The following NFATC3 variants were observed in gnomAD, a reference collection of about 807,000 sequenced individuals.
The protein encoded by NFATC3 is nuclear factor of activated T cells 3, also known as nuclear factor of activated T-cells, cytoplasmic 3.
In NFATC3, 46 loss-of-function variants were observed where a neutral mutation model predicts 98.6. The ratio of observed to expected loss-of-function variants is 0.47; its 90% CI spans 0.37 to 0.60. The LOEUF is 0.60. NFATC3 is among the 20% of genes least tolerant of loss of function. The pLI, the probability that NFATC3 is intolerant of heterozygous loss-of-function variation, is 0.00. For missense variants in NFATC3, 1,256 were observed against 1,295.5 expected (o/e 0.97, Z 0.47); for synonymous variants, 512 against 472.2 (o/e 1.08, Z -1.09).
chr16:68,146,218 TAG>T (rs990710734), intron 3 of NFATC3, among the ~76,000 whole-genome samples: 1 of 152,160 alleles, frequency 6.6e-6, no homozygotes, highest in Admixed American at 6.5e-5. Flanking sequence ...ATTCAACCTG[TAG>T]TACATATACA....
At chr16:68,124,841 G>A (rs1258711968) in intron 2 of NFATC3, among the ~76,000 whole-genome samples, 1 of 152,034 alleles carries the variant, frequency 6.6e-6, no homozygotes, top group Non-Finnish European at 1.5e-5. Context: ...CAATTCTCCT[G>A]CCTCAGCCTC....
chr16:68,185,298 C>T (rs1176350931), intron 8 of NFATC3, among the ~76,000 whole-genome samples: 4 of 151,966 alleles, frequency 2.6e-5, no homozygotes, highest in African/African-American at 9.7e-5. Context: ...TTTTCTTTTT[C>T]CTCCCTTTTT....
intron 9 of NFATC3, among the ~76,000 whole-genome samples, chr16:68,208,136 AGCG>A (rs1358475193): frequency 6.6e-6 from 1 of 151,790 alleles, no homozygotes; most frequent in African/African-American, 2.4e-5. Flanking sequence ...CCCAAGTTCA[AGCG>A]ATTCTCCTGC....
intron 9 of NFATC3, among the ~76,000 whole-genome samples, chr16:68,208,634 G>C (rs898881499): frequency 1.3e-5 from 2 of 152,028 alleles, no homozygotes; most frequent in African/African-American, 4.8e-5. Context: ...TGGGACTGAG[G>C]CAGGAGAATC....
chr16:68,217,302 C>T (rs1382198342), intron 9 of NFATC3, among the ~76,000 whole-genome samples: 1 of 151,580 alleles, frequency 6.6e-6, no homozygotes, highest in African/African-American at 2.4e-5. Flanking sequence ...CATGGTGGCT[C>T]ATGCCTATAG....
intron 9 of NFATC3, among the ~76,000 whole-genome samples, chr16:68,218,673 C>T (rs929658474): frequency 2.7e-5 from 4 of 150,606 alleles, no homozygotes; most frequent in Admixed American, 2.6e-4. Context: ...CATGGGTTCA[C>T]TCCATTCTCC....
chr16:68,160,638 G>C (rs1478709943), intron 4 of NFATC3, among the ~76,000 whole-genome samples: 3 of 152,026 alleles, frequency 2.0e-5, no homozygotes, highest in African/African-American at 7.2e-5. Context: ...TAGGGGCTAT[G>C]ACAGAGTTTT....
intron 1 of NFATC3, among the ~76,000 whole-genome samples, chr16:68,102,478 T>A (rs1341749461): frequency 6.6e-6 from 1 of 152,102 alleles, no homozygotes; most frequent in African/African-American, 2.4e-5. Context: ...CTCATAAATT[T>A]GAAGGCATTG....
At chr16:68,182,477 G>A (rs1440602830) in intron 7 of NFATC3, among the ~76,000 whole-genome samples, 1 of 152,002 alleles carries the variant, frequency 6.6e-6, no homozygotes, top group Admixed American at 6.6e-5. Flanking sequence ...AACACATTTT[G>A]TTTAATGCCA....
At position 68,191,082 on chromosome 16, in the gene NFATC3, A is replaced by T; in HGVS notation, c.2413A>T (p.Met805Leu). The change falls in exon 9 of 10, where the codon ATG becomes TTG. Residue 805 changes from methionine (M) to leucine (L), a missense_variant. Coordinates refer to ENST00000346183, the MANE Select transcript of NFATC3 (RefSeq NM_173165.3). ...TPPVGSSYQP[M>L]QTNVVYNGPT... is the part of the protein sequence containing the mutation. ...TCCTGTGGGGTCTTCCTATCAGCCTATGCAAACTAATGTTGTGTACAATGG... is the reference window on the plus strand; with the variant it reads ...TCCTGTGGGGTCTTCCTATCAGCCTTTGCAAACTAATGTTGTGTACAATGG... 1 of 1,614,198 alleles carries T rather than the reference A, an allele frequency of 6.2e-7. No individual in the cohort carries two copies.
chr16:68,087,073 T>C (rs2034420310), intron 1 of NFATC3, among the ~76,000 whole-genome samples: 2 of 152,190 alleles, frequency 1.3e-5, no homozygotes, highest in African/African-American at 4.8e-5. Flanking sequence ...TGATGCATTT[T>C]ATAGTAGAGG....
chr16:68,151,665 T>G (rs2038326330), intron 3 of NFATC3, among the ~76,000 whole-genome samples: 1 of 152,176 alleles, frequency 6.6e-6, no homozygotes, highest in African/African-American at 2.4e-5. Flanking sequence ...GTATCTGTAG[T>G]GCACCCCACT....
chr16:68,221,489 C>G (rs1335361935), intron 9 of NFATC3: 1 of 1,278,624 alleles, frequency 7.8e-7, no homozygotes, highest in African/African-American at 1.5e-5. Context: ...TGTCATTGTT[C>G]CAAGTCCCCA....
chr16:68,217,736 T>TA, intron 9 of NFATC3: 1 of 1,231,614 alleles, frequency 8.1e-7, no homozygotes, highest in Non-Finnish European at 1.0e-6. Flanking sequence ...AGAAACCACT[T>TA]AGTCATGACT....
At chr16:68,121,888 G>C in intron 1 of NFATC3, 99 bp from the exon 2 acceptor site, 1 of 1,378,872 alleles carries the variant, frequency 7.3e-7, no homozygotes, top group Non-Finnish European at 9.7e-7. Flanking sequence ...TTTCTCTCGA[G>C]ATTGTTATTA....
chr16:68,086,572 G>C, intron 1 of NFATC3: 1 of 878,940 alleles, frequency 1.1e-6, no homozygotes, highest in Non-Finnish European at 1.4e-6. Flanking sequence ...TGGGGACTTA[G>C]AGCTCTTTTG....
intron 1 of NFATC3, among the ~76,000 whole-genome samples, chr16:68,110,438 A>G (rs1448593857): frequency 2.0e-5 from 3 of 151,264 alleles, no homozygotes; most frequent in Admixed American, 2.0e-4. Context: ...CCTCCTGAGT[A>G]GCTGGGACTA....
At chr16:68,129,164 C>G (rs1348360642) in intron 3 of NFATC3, among the ~76,000 whole-genome samples, 1 of 152,038 alleles carries the variant, frequency 6.6e-6, no homozygotes, top group African/African-American at 2.4e-5. Context: ...CTTTCAGAAG[C>G]TGAAGTGGAA....
intron 9 of NFATC3, among the ~76,000 whole-genome samples, chr16:68,204,718 G>C (rs2151143223): frequency 6.6e-6 from 1 of 152,326 alleles, no homozygotes; most frequent in Admixed American, 6.5e-5. Flanking sequence ...CCATGTGTAA[G>C]ATAGCAAAAC....
Sources: gnomAD v4.1 joint callset for allele counts (sites outside exome capture counted in the v4.1 genomes callset) on GRCh38, gnomAD v4.1.1 for gene constraint, MANE v1.5 for transcripts, NCBI Gene and HGNC (gene_info 2026-07-23, HGNC 2026-07-21) for gene names.